Variants in SSBP2 observed in about 807,000 individuals in gnomAD.
SSBP2 encodes the protein single-stranded DNA-binding protein 2.
A neutral mutation model predicts 61.8 loss-of-function variants in SSBP2; 17 were observed. The ratio of observed to expected loss-of-function variants is 0.28; its 90% CI spans 0.19 to 0.41. SSBP2 has a LOEUF of 0.41. Among genes scored for constraint, SSBP2 ranks in the 10% least tolerant of loss-of-function variants. The probability of loss-of-function intolerance (pLI) is 1.00; values close to 1 mark genes in which losing one functional copy is unlikely to be tolerated. For synonymous variants in SSBP2, 139 were observed against 141.3 expected (o/e 0.98, Z 0.12); for missense variants, 310 against 458.7 (o/e 0.68, Z 2.96).
At chr5:81,652,103 T>C (rs1025284759) in intron 1 of SSBP2, among the ~76,000 whole-genome samples, 5 of 152,120 alleles carry the variant, frequency 3.3e-5, no homozygotes, top group Admixed American at 3.3e-4. Context: ...TCCACCAAGC[T>C]TGGGGAATTT....
At chr5:81,710,850 AG>A (rs1286640963) in intron 1 of SSBP2, 1 of 260,582 alleles carries the variant, frequency 3.8e-6, no homozygotes, top group African/African-American at 2.3e-5. Context: ...CAGTCATGGG[AG>A]CACGAATAAA....
intron 1 of SSBP2, among the ~76,000 whole-genome samples, chr5:81,657,958 A>G (rs1349373806): frequency 6.6e-6 from 1 of 152,200 alleles, no homozygotes; most frequent in Non-Finnish European, 1.5e-5. Context: ...TTCATAATAT[A>G]CAACATGATG....
At chr5:81,636,363 T>C (rs1489947402) in intron 3 of SSBP2, 194 bp downstream of exon 3, 5 of 431,944 alleles carry the variant, frequency 1.2e-5, no homozygotes, top group African/African-American at 6.0e-5. Flanking sequence ...CCAATTCCAG[T>C]TGAACTCAAT....
chr5:81,592,498 T>A (rs1423173080), intron 4 of SSBP2, among the ~76,000 whole-genome samples: 9 of 152,154 alleles, frequency 5.9e-5, no homozygotes, highest in Admixed American at 5.9e-4. Flanking sequence ...GAGTAGTGGT[T>A]CTCCCAGCAT....
At position 81,489,233 on chromosome 5, in the gene SSBP2, T is replaced by C. The variant is rs954210260; in HGVS notation, c.432+17A>G. ...CTTTGATTCTTACAAAAAACTTACATAGCACATAAATCTTACCTGATTAGG... is the reference window on the plus strand; with the variant it reads ...CTTTGATTCTTACAAAAAACTTACACAGCACATAAATCTTACCTGATTAGG... On this transcript the variant is annotated intron_variant, in intron 6 of 16. Coordinates refer to ENST00000320672, the MANE Select transcript of SSBP2 (RefSeq NM_012446.5). 1 of 1,600,570 alleles carries C rather than the reference T, an allele frequency of 6.2e-7. No individual in the cohort carries two copies. Among genetic ancestry groups the C allele is most frequent in the African/African-American group, 1.3e-5 (1 of 74,378 alleles).
intron 4 of SSBP2, among the ~76,000 whole-genome samples, chr5:81,573,416 T>C (rs1468467851): frequency 6.6e-6 from 1 of 152,218 alleles, no homozygotes; most frequent in East Asian, 1.9e-4. Context: ...AGGTTTTTAA[T>C]AAGCTTATAA....
chr5:81,598,765 C>A (rs1032610989), intron 4 of SSBP2, among the ~76,000 whole-genome samples: 4 of 152,126 alleles, frequency 2.6e-5, no homozygotes, highest in Admixed American at 2.6e-4. Flanking sequence ...CCTGTTCATC[C>A]AGTCTTATCT....
intron 10 of SSBP2, among the ~76,000 whole-genome samples, chr5:81,453,567 T>A (rs376002136): frequency 6.6e-6 from 1 of 151,686 alleles, no homozygotes; most frequent in Non-Finnish European, 1.5e-5. Flanking sequence ...CGCCATTCTC[T>A]TGCCTCAGCC....
intron 4 of SSBP2, among the ~76,000 whole-genome samples, chr5:81,567,687 C>G (rs1488257807): frequency 6.6e-6 from 1 of 152,096 alleles, no homozygotes; most frequent in African/African-American, 2.4e-5. Flanking sequence ...TGCAGATACT[C>G]AACCCCAGGT....
intron 11 of SSBP2, chr5:81,448,206 A>G (rs2153974409): frequency 6.5e-6 from 1 of 152,766 alleles, no homozygotes; most frequent in Non-Finnish European, 1.5e-5. Flanking sequence ...TTAAAAGGTC[A>G]CTTGTAAGCT....
intron 4 of SSBP2, among the ~76,000 whole-genome samples, chr5:81,586,959 G>A (rs560559244): frequency 2.6e-5 from 4 of 152,048 alleles, no homozygotes; most frequent in Admixed American, 6.6e-5. Flanking sequence ...ATTATCACAA[G>A]TATTTTCTGA....
chr5:81,415,907 G>A lies in SSBP2; in HGVS notation c.*4597C>T, dbSNP rs1206559726. On this transcript the variant is annotated 3_prime_UTR_variant, in exon 17 of 17. Coordinates refer to ENST00000320672, the MANE Select transcript of SSBP2 (RefSeq NM_012446.5). ...AGCCTGGGTGACAGAGCAAGATTCT[G>A]ACTCAAAAAAAAAAAAAAAAAAGAG... The A allele has an allele frequency of 9.1e-4, 37 of 40,502 alleles. No individual in the cohort carries two copies. In the African/African-American group the frequency reaches 0.033, roughly 37 times the overall value. 2.5% of individuals were successfully genotyped at this position (40,502 alleles called of 1,614,324 possible).
chr5:81,480,367 T>C (rs540059385), intron 6 of SSBP2, among the ~76,000 whole-genome samples: 106 of 152,352 alleles, frequency 7.0e-4, no homozygotes, highest in African/African-American at 2.4e-3. Flanking sequence ...TGAATATATG[T>C]TTTGTTTACA....
chr5:81,504,245 T>C (rs966021149), intron 5 of SSBP2, among the ~76,000 whole-genome samples: 1 of 152,208 alleles, frequency 6.6e-6, no homozygotes, highest in African/African-American at 2.4e-5. Flanking sequence ...AATTTTGCAA[T>C]GACATGCAAA....
chr5:81,432,468 C>T (rs548866152), intron 15 of SSBP2, among the ~76,000 whole-genome samples: 14 of 152,116 alleles, frequency 9.2e-5, no homozygotes, highest in South Asian at 6.2e-4. Context: ...ACAAACCGGC[C>T]GGGCACGGTG....
intron 2 of SSBP2, among the ~76,000 whole-genome samples, chr5:81,649,244 A>G (rs1749530297): frequency 2.0e-5 from 3 of 152,164 alleles, no homozygotes; most frequent in Non-Finnish European, 2.9e-5. Context: ...AGAATTAGAG[A>G]TAATATATGT....
rs1761193723 is a variant in SSBP2 at position 81,412,893 on chromosome 5, G to T, written c.*7611C>A. On this transcript the variant is annotated 3_prime_UTR_variant, in exon 17 of 17. Coordinates refer to ENST00000320672, the MANE Select transcript of SSBP2 (RefSeq NM_012446.5). ...TTTGGCATTCCATGTTTAGTTATCTGACCACATAGAGCCAGCCATTGATAT... is the reference window on the plus strand; with the variant it reads ...TTTGGCATTCCATGTTTAGTTATCTTACCACATAGAGCCAGCCATTGATAT... 6.6e-6 allele frequency: 1 copy of T among 151,768 alleles called. No homozygotes were observed. The highest frequency in any genetic ancestry group is 1.5e-5 in the Non-Finnish European group (1 of 67,976). The allele number at this position is 151,768 out of a possible 1,614,324, so 9.4% of individuals were successfully genotyped here.
chr5:81,713,010 G>A (rs1355033923), intron 1 of SSBP2, among the ~76,000 whole-genome samples: 1 of 152,002 alleles, frequency 6.6e-6, no homozygotes, highest in Non-Finnish European at 1.5e-5. Flanking sequence ...TTACAGGGGT[G>A]AGCCACCACA....
intron 5 of SSBP2, among the ~76,000 whole-genome samples, chr5:81,512,403 G>T (rs1300481127): frequency 1.3e-5 from 2 of 152,154 alleles, no homozygotes; most frequent in Non-Finnish European, 2.9e-5. Flanking sequence ...AAAGCATTTA[G>T]AATGAAGCAT....
Sources: gnomAD v4.1 joint callset for allele counts (sites outside exome capture counted in the v4.1 genomes callset) on GRCh38, gnomAD v4.1.1 for gene constraint, MANE v1.5 for transcripts, NCBI Gene and HGNC (gene_info 2026-07-23, HGNC 2026-07-21) for gene names.